Variants in POLA1 observed in about 807,000 individuals in gnomAD.
The protein encoded by POLA1 is DNA polymerase alpha catalytic subunit.
In POLA1, 15 loss-of-function variants were observed where a neutral mutation model predicts 124.0. The ratio of observed to expected loss-of-function variants is 0.12; its 90% CI spans 0.08 to 0.19. The LOEUF (loss-of-function observed/expected upper bound fraction) is 0.19. Among genes scored for constraint, POLA1 ranks in the 10% least tolerant of loss-of-function variants. The pLI is 1.00. For missense variants in POLA1, 886 were observed against 1,103.4 expected (o/e 0.80, Z 2.79); for synonymous variants, 408 against 389.4 (o/e 1.05, Z -0.56).
At chrX:24,816,418 C>T (rs986297709) in intron 30 of POLA1, among the ~76,000 whole-genome samples, 7 of 111,964 alleles carry the variant, frequency 6.3e-5, no homozygotes, top group African/African-American at 1.9e-4. Flanking sequence ...AAGTTGTTTC[C>T]TGTACCTTGA....
intron 10 of POLA1, among the ~76,000 whole-genome samples, chrX:24,722,002 C>T (rs893496243): frequency 9.0e-6 from 1 of 110,854 alleles, no homozygotes; most frequent in African/African-American, 3.3e-5. Context: ...CCGTTACCCC[C>T]TCAAGCTGAA....
At chrX:24,744,232 A>G (rs756362832) in intron 23 of POLA1, among the ~76,000 whole-genome samples, 1 of 112,545 alleles carries the variant, frequency 8.9e-6, no homozygotes, top group Non-Finnish European at 1.9e-5. Context: ...TTATAATGAA[A>G]TGGAGCAGTA....
At chrX:24,955,767 C>T (rs1469880310) in intron 36 of POLA1, among the ~76,000 whole-genome samples, 1 of 111,672 alleles carries the variant, frequency 9.0e-6, no homozygotes, top group Non-Finnish European at 1.9e-5. Flanking sequence ...ACGGTGGAGA[C>T]ATGTTTACTT....
At chrX:24,732,144 G>C in intron 15 of POLA1, among the ~76,000 whole-genome samples, 1 of 110,802 alleles carries the variant, frequency 9.0e-6, no homozygotes, top group Admixed American at 9.6e-5. Flanking sequence ...TAGTAGAGAC[G>C]GGGTTTTACC....
At chrX:24,970,024 G>A (rs1210834114) in intron 36 of POLA1, among the ~76,000 whole-genome samples, 9 of 112,548 alleles carry the variant, frequency 8.0e-5, no homozygotes, top group African/African-American at 2.9e-4. Context: ...TGGCTGCATA[G>A]TATTCCATGG....
chrX:24,995,954 A>G lies in POLA1; in HGVS notation c.*4A>G. On this transcript the variant is annotated 3_prime_UTR_variant, in exon 37 of 37. Coordinates refer to ENST00000379068, the MANE Select transcript of POLA1 (RefSeq NM_001330360.2). ...TGGTTGTGCCGTGAAATCCTAAGGG[A>G]ATCCCAGGAGTAACCAAGGAGGGGG... is the stretch of plus-strand genomic sequence containing the variant. 1 of 1,207,602 alleles carries G rather than the reference A, an allele frequency of 8.3e-7. No homozygotes were observed. Among genetic ancestry groups the G allele is most frequent in the Non-Finnish European group, 1.1e-6 (1 of 893,163 alleles).
At chrX:24,815,177 G>T in intron 30 of POLA1, 66 bp downstream of exon 30, 1 of 977,705 alleles carries the variant, frequency 1.0e-6, no homozygotes, top group South Asian at 2.3e-5. Context: ...TCAGATAGTT[G>T]AAGAACCACC....
chrX:24,773,152 G>A (rs1193321457), intron 26 of POLA1, among the ~76,000 whole-genome samples: 1 of 112,041 alleles, frequency 8.9e-6, no homozygotes, highest in Non-Finnish European at 1.9e-5. Flanking sequence ...TGGTTTTATC[G>A]AAGGACCTGA....
chrX:24,723,046 A>G (rs1930299641), intron 10 of POLA1, 109 bp from the exon 11 acceptor site: 10 of 552,518 alleles, frequency 1.8e-5, no homozygotes, highest in Non-Finnish European at 3.2e-5. Context: ...AAAATGAGTT[A>G]TCATGAAGGT....
intron 36 of POLA1, among the ~76,000 whole-genome samples, chrX:24,966,318 A>G (rs892249121): frequency 9.0e-6 from 1 of 111,345 alleles, no homozygotes; most frequent in South Asian, 3.8e-4. Flanking sequence ...AATGTACCTG[A>G]GGTACATTCT....
rs376650804 is a variant in POLA1 at position 24,916,621 on chromosome X, A to G, written c.4165-13832A>G. Among the ~76,000 whole-genome samples the G allele has an allele frequency of 1.3e-4, 15 of 111,441 alleles. No homozygotes were observed. The East Asian group carries it at 4.2e-3, about 31-fold the overall frequency. On this transcript the variant is annotated intron_variant, in intron 35 of 36. Transcript: ENST00000379068. Reference sequence around the variant, plus strand: ...AAAGAGGACAGAGAACATCAATGGGATGTATTATCAAAGGACTTCCCATAC... The same window carrying G: ...AAAGAGGACAGAGAACATCAATGGGGTGTATTATCAAAGGACTTCCCATAC...
At chrX:24,742,166 C>T (rs375500727) in intron 22 of POLA1, 45 bp downstream of exon 22, 16 of 877,000 alleles carry the variant, frequency 1.8e-5, no homozygotes, top group African/African-American at 8.8e-5. Flanking sequence ...TTAACCCCCC[C>T]CCCCCTTTTA....
At chrX:24,974,302 G>A (rs1255991707) in intron 36 of POLA1, among the ~76,000 whole-genome samples, 1 of 111,572 alleles carries the variant, frequency 9.0e-6, no homozygotes, top group Non-Finnish European at 1.9e-5. Flanking sequence ...TAGAGGCCAA[G>A]GCTGCTACTA....
intron 32 of POLA1, among the ~76,000 whole-genome samples, chrX:24,829,412 TCTC>T (rs2046226724): frequency 9.0e-6 from 1 of 111,560 alleles, no homozygotes; most frequent in African/African-American, 3.3e-5. Context: ...CTTGTCCTCT[TCTC>T]TCATCCTACC....
intron 26 of POLA1, among the ~76,000 whole-genome samples, chrX:24,797,672 T>G (rs2045631514): frequency 8.9e-6 from 1 of 112,027 alleles, no homozygotes; most frequent in Admixed American, 9.5e-5. Context: ...AATGAGTTCC[T>G]TCTTGAGGTT....
intron 26 of POLA1, among the ~76,000 whole-genome samples, chrX:24,757,649 C>T (rs1439127829): frequency 1.8e-5 from 2 of 109,339 alleles, no homozygotes; most frequent in Non-Finnish European, 1.9e-5. Flanking sequence ...CTGTGTTAGC[C>T]GGGATGGTCT....
chrX:24,722,387 T>C (rs1196642071), intron 10 of POLA1, among the ~76,000 whole-genome samples: 3 of 112,325 alleles, frequency 2.7e-5, no homozygotes, highest in Non-Finnish European at 5.6e-5. Context: ...CTTAAATTAC[T>C]GAAATAGAAT....
At chrX:24,794,390 T>G (rs1264877819) in intron 26 of POLA1, among the ~76,000 whole-genome samples, 1 of 112,299 alleles carries the variant, frequency 8.9e-6, no homozygotes, top group Non-Finnish European at 1.9e-5. Context: ...TTCCATCTGT[T>G]TTGGGGTTGA....
chrX:24,833,605 A>G (rs1292432304), intron 32 of POLA1, among the ~76,000 whole-genome samples: 1 of 111,245 alleles, frequency 9.0e-6, no homozygotes, highest in East Asian at 2.8e-4. Context: ...TGCAGGACTA[A>G]CTCACCTTTT....
Sources: allele counts gnomAD v4.1 joint callset (sites outside exome capture counted in the v4.1 genomes callset), GRCh38; gene constraint gnomAD v4.1.1; transcripts MANE v1.5; gene names NCBI Gene and HGNC (gene_info 2026-07-23, HGNC 2026-07-21).